SPSB4: variants seen among roughly 807,000 people sequenced by gnomAD.
The protein encoded by SPSB4 is splA/ryanodine receptor domain and SOCS box containing 4.
In SPSB4, 21 loss-of-function variants were observed where a neutral mutation model predicts 20.9. The ratio of observed to expected loss-of-function variants is 1.01; its 90% CI spans 0.71 to 1.45. SPSB4 has a LOEUF of 1.45. SPSB4 is among the 40% of genes most tolerant of loss of function. The pLI, the probability that SPSB4 is intolerant of heterozygous loss-of-function variation, is 0.00. For missense variants in SPSB4, 399 were observed against 399.2 expected (o/e 1.00, Z 0.00); for synonymous variants, 207 against 183.8 (o/e 1.13, Z -1.02).
chr3:141,096,338 C>T (rs1019843958), intron 2 of SPSB4, among the ~76,000 whole-genome samples: 2 of 152,204 alleles, frequency 1.3e-5, no homozygotes, highest in Non-Finnish European at 2.9e-5. Flanking sequence ...ACCCTCACCT[C>T]CCATCATCTG....
At chr3:141,080,045 A>T (rs371476178) in intron 2 of SPSB4, among the ~76,000 whole-genome samples, 57 of 152,320 alleles carry the variant, frequency 3.7e-4, no homozygotes, top group East Asian at 5.8e-4. Context: ...ATCTCATTTT[A>T]AAAAAGTAAT....
intron 2 of SPSB4, among the ~76,000 whole-genome samples, chr3:141,110,155 CAGCCCTGTCCCAGGGCTGG>C (rs1360322653): frequency 1.3e-5 from 2 of 152,174 alleles, no homozygotes; most frequent in Non-Finnish European, 2.9e-5. Context: ...CCAGAGGCCT[CAGCCCTGTCCCAGGGCTGG>C]AGTTCTGTCC....
chr3:141,059,171 C>T (rs1451892061), intron 1 of SPSB4, among the ~76,000 whole-genome samples: 2 of 152,096 alleles, frequency 1.3e-5, no homozygotes, highest in African/African-American at 2.4e-5. Flanking sequence ...CAGGGCAGGC[C>T]CCAGGAGGCC....
At chr3:141,105,827 T>TA (rs1411673437) in intron 2 of SPSB4, among the ~76,000 whole-genome samples, 3 of 152,244 alleles carry the variant, frequency 2.0e-5, no homozygotes, top group African/African-American at 7.2e-5. Context: ...CTACGTTTTT[T>TA]AAAAAAATTT....
chr3:141,109,815 A>C (rs939533165), intron 2 of SPSB4, among the ~76,000 whole-genome samples: 1 of 152,142 alleles, frequency 6.6e-6, no homozygotes, highest in Non-Finnish European at 1.5e-5. Flanking sequence ...GCCCCAATTA[A>C]GCAGGGCAGG....
intron 1 of SPSB4, among the ~76,000 whole-genome samples, chr3:141,058,990 T>C (rs1285001831): frequency 1.3e-5 from 2 of 152,190 alleles, no homozygotes; most frequent in African/African-American, 4.8e-5. Context: ...CTGCCCCATG[T>C]TCAAAGTACC....
Position 141,135,226 on chromosome 3 carries a change from A to T in SPSB4, c.695-11916A>T, listed in dbSNP as rs139961119. Among the ~76,000 whole-genome samples the T allele has an allele frequency of 3.0e-4, 46 of 152,040 alleles. 1 individual carries two copies. The East Asian group carries it at 8.9e-3, about 29-fold the overall frequency. Reference sequence around the variant, plus strand: ...CTTTATATTATATATGATTTATAAGATCAGTTATGTATAGTAGAAGTTTTT... The same window carrying T: ...CTTTATATTATATATGATTTATAAGTTCAGTTATGTATAGTAGAAGTTTTT... On this transcript the variant is annotated intron_variant, in intron 2 of 2. Transcript: ENST00000310546.
At chr3:141,064,108 G>A (rs1199883592) in intron 1 of SPSB4, among the ~76,000 whole-genome samples, 1 of 152,250 alleles carries the variant, frequency 6.6e-6, no homozygotes, top group Non-Finnish European at 1.5e-5. Context: ...GGGATCATTA[G>A]TTTTTTCCTT....
intron 2 of SPSB4, among the ~76,000 whole-genome samples, chr3:141,067,671 A>G (rs1937916542): frequency 6.6e-6 from 1 of 152,160 alleles, no homozygotes; most frequent in African/African-American, 2.4e-5. Flanking sequence ...GGAGTCACTC[A>G]GGGAGACAGG....
At chr3:141,087,093 C>T (rs975934801) in intron 2 of SPSB4, among the ~76,000 whole-genome samples, 3 of 152,222 alleles carry the variant, frequency 2.0e-5, no homozygotes, top group East Asian at 1.9e-4. Context: ...AGGACTAGGG[C>T]TTCTGAGCCT....
At position 141,075,852 on chromosome 3, in the gene SPSB4, C is replaced by T. The variant is rs1396804785; in HGVS notation, c.694+9054C>T. ...ACTTGAGGTCAGGAGTTCGAGACCA[C>T]CCTGTCCAACACGACGAAACCCTGT... On this transcript the variant is annotated intron_variant, in intron 2 of 2. Coordinates refer to ENST00000310546, the MANE Select transcript of SPSB4 (RefSeq NM_080862.3). Among the ~76,000 whole-genome samples, 18 of 148,458 alleles carry T rather than the reference C, an allele frequency of 1.2e-4. No individual in the cohort carries two copies. In the Admixed American group the frequency reaches 1.2e-3, roughly 10 times the overall value.
chr3:141,119,732 G>T (rs1010616677), intron 2 of SPSB4, among the ~76,000 whole-genome samples: 1 of 152,134 alleles, frequency 6.6e-6, no homozygotes, highest in Non-Finnish European at 1.5e-5. Flanking sequence ...ATGTATTATT[G>T]TATTTCTGTG....
At chr3:141,135,575 G>A (rs1335630119) in intron 2 of SPSB4, among the ~76,000 whole-genome samples, 2 of 148,816 alleles carry the variant, frequency 1.3e-5, no homozygotes, top group Non-Finnish European at 1.5e-5. Flanking sequence ...TCCCACCTAT[G>A]AGTGAGAACA....
At chr3:141,074,620 T>C (rs75792442) in intron 2 of SPSB4, among the ~76,000 whole-genome samples, 1 of 151,934 alleles carries the variant, frequency 6.6e-6, no homozygotes, top group Admixed American at 6.5e-5. Flanking sequence ...GGTTTCCGGC[T>C]GCATGTCTTA....
rs187302489 is a variant in SPSB4 at position 141,074,617 on chromosome 3, G to A, written c.694+7819G>A. On this transcript the variant is annotated intron_variant, in intron 2 of 2. Coordinates refer to ENST00000310546, the MANE Select transcript of SPSB4 (RefSeq NM_080862.3). ...TTAGCCTTCCCTGTGAGCGGTTTCC[G>A]GCTGCATGTCTTATTCAAGTGTTTC... Among the ~76,000 whole-genome samples, 460 of 152,190 alleles carry A rather than the reference G, an allele frequency of 3.0e-3. 3 individuals are homozygous for A. The highest frequency in any genetic ancestry group is 0.011 in the African/African-American group (436 of 41,498).
At chr3:141,094,172 T>C (rs1277867576) in intron 2 of SPSB4, among the ~76,000 whole-genome samples, 1 of 152,196 alleles carries the variant, frequency 6.6e-6, no homozygotes, top group Non-Finnish European at 1.5e-5. Context: ...ACACTGCGTA[T>C]GTCCACCTTC....
At chr3:141,056,020 G>C (rs1459810218) in intron 1 of SPSB4, among the ~76,000 whole-genome samples, 1 of 152,216 alleles carries the variant, frequency 6.6e-6, no homozygotes, top group Non-Finnish European at 1.5e-5. Context: ...GAGAGAGAGT[G>C]AAAAGCGGAA....
chr3:141,098,234 C>T (rs1260283173), intron 2 of SPSB4, among the ~76,000 whole-genome samples: 1 of 152,156 alleles, frequency 6.6e-6, no homozygotes, highest in East Asian at 1.9e-4. Context: ...CCTTACTCCT[C>T]TTTGTTTTAG....
In SPSB4 at chr3:141,108,892, C is replaced by T. The variant is rs191276064; in HGVS notation, c.695-38250C>T. ...GGGCACAGCATGTGTGAAGGCACAG[C>T]GGCTTTAAATTGCACAGCAGCACTC... is the stretch of plus-strand genomic sequence containing the variant. On this transcript the variant is annotated intron_variant, in intron 2 of 2. Transcript: ENST00000310546. Among the ~76,000 whole-genome samples the T allele has an allele frequency of 1.1e-4, 17 of 152,238 alleles. No individual in the cohort carries two copies. The East Asian group carries it at 2.1e-3, about 19-fold the overall frequency.
Sources: allele counts gnomAD v4.1 joint callset (sites outside exome capture counted in the v4.1 genomes callset), GRCh38; gene constraint gnomAD v4.1.1; transcripts MANE v1.5; gene names NCBI Gene and HGNC (gene_info 2026-07-23, HGNC 2026-07-21).